The following TNXB variants were observed in gnomAD, a reference collection of about 807,000 sequenced individuals.
TNXB encodes tenascin-X.
Under a neutral mutation model 340.5 loss-of-function variants are expected in TNXB, and 183 were observed. The observed-to-expected ratio is 0.54, with a 90% CI of 0.48 to 0.61. The LOEUF is 0.61. TNXB is among the 20% of genes least tolerant of loss of function. The pLI is 0.00. For missense variants in TNXB, 4,613 were observed against 5,446.4 expected, an observed-to-expected ratio of 0.85 and a Z score of 4.82; for synonymous variants, 2,121 against 2,314.5, an observed-to-expected ratio of 0.92 and a Z score of 2.40.
rs1778812534 is a variant in TNXB, at chr6:32,072,147, G to C, written c.4833C>G (p.Tyr1611Ter). ...EGEFDSFVVQYKDRDGQPQVV... is the reference protein window; with the variant it reads ...EGEFDSFVVQ ...CCTGGGGCTGCCCGTCCCTGTCCTTGTACTGAACCACAAAGGAGTCGAATT... is the reference window on the plus strand; with the variant it reads ...CCTGGGGCTGCCCGTCCCTGTCCTTCTACTGAACCACAAAGGAGTCGAATT... The change falls in exon 13 of 44, where the codon TAC becomes TAG. Residue 1611 changes from tyrosine to a stop codon, truncating the protein, a stop_gained. Coordinates refer to ENST00000644971, the MANE Select transcript of TNXB (RefSeq NM_001365276.2). LOFTEE classifies it high-confidence loss of function. The surrounding 1 kb of genome is among the most constrained non-coding windows in gnomAD (Gnocchi z 4.4). The C allele has an allele frequency of 6.2e-7, 1 of 1,613,512 alleles. No individual in the cohort carries two copies.
rs992491279 is a variant in TNXB at position 32,064,927 on chromosome 6, A to G, written c.6735T>C (p.Asp2245=). The change falls in exon 19 of 44, where the codon GAT becomes GAC. Residue 2245 remains aspartate (D), a synonymous_variant. Coordinates refer to ENST00000644971, the MANE Select transcript of TNXB (RefSeq NM_001365276.2). This position sits in a 1 kb window ranked among gnomAD's most constrained non-coding sequence, Gnocchi z 5.3. The part of the protein sequence containing the change: ...PKAVRVPGHE[D]GVTISGLEPD... ...GCTCCAGGCCCGAGATGGTGACCCC[A>G]TCCTCGTGTCCCGGCACCCGCACCG... is the stretch of plus-strand genomic sequence containing the variant. The G allele has an allele frequency of 1.2e-6, 2 of 1,612,846 alleles. No homozygotes were observed. The highest frequency in any genetic ancestry group is 8.5e-7 in the Non-Finnish European group (1 of 1,179,880).
rs564307109 is a variant in TNXB, at chr6:32,083,026, T to C, written c.3446-700A>G. 1.3e-5 allele frequency among the ~76,000 whole-genome samples: 2 copies of C among 152,244 alleles called. No individual in the cohort carries two copies. The highest frequency in any genetic ancestry group is 3.9e-4 in the East Asian group (2 of 5,184). Reference sequence around the variant, plus strand: ...GTCTACACTGATTGCAGCCATGTCCTCACCTCCACCACCCTCCCGATCCAG... The same window carrying C: ...GTCTACACTGATTGCAGCCATGTCCCCACCTCCACCACCCTCCCGATCCAG... On this transcript the variant is annotated intron_variant, in intron 8 of 43. Transcript: ENST00000644971. The surrounding 1 kb of genome is among the most constrained non-coding windows in gnomAD (Gnocchi z 4.6).
chr6:32,099,956 A>AC (rs1306084324), intron 1 of TNXB, among the ~76,000 whole-genome samples: 1 of 151,244 alleles, frequency 6.6e-6, no homozygotes, highest in Non-Finnish European at 1.5e-5. Context: ...TAAAAAAAAA[A>AC]AAAAAAAAAA....
rs553387411 is a variant in TNXB, at chr6:32,065,082, T to G, written c.6580A>C (p.Lys2194Gln). The change falls in exon 19 of 44, where the codon AAG (lysine) becomes CAG (glutamine). Residue 2194 changes from lysine (K) to glutamine (Q), a missense_variant. Lys to Gln is a moderately conservative substitution (Grantham distance 53). Transcript: ENST00000644971. Reference protein sequence around the residue: ...EEESPDAPLAKLRLGQMTVRD... With the variant: ...EEESPDAPLAQLRLGQMTVRD... ...ACTGTCATCTGCCCTAGGCGCAGCT[T>G]TGCAAGAGGAGCATCAGGGGACTCC... 3 of 1,593,058 alleles carry G rather than the reference T, an allele frequency of 1.9e-6. No homozygotes were observed. Among genetic ancestry groups the G allele is most frequent in the African/African-American group, 2.7e-5 (2 of 74,684 alleles).
chr6:32,073,691 T>C lies in TNXB; in HGVS notation c.4637A>G (p.His1546Arg). The part of the protein sequence containing the change: ...RKYKMNMYGL[H>R]DGQRMGPLSV... ...CAGGGGGCCCATGCGTTGCCCATCA[T>C]GTAGTCCATACATGTTCATCTTATA... Residue 1546 changes from histidine (H) to arginine (R), a missense_variant, in exon 12 of 44, where the codon CAT (histidine) becomes CGT (arginine). Physicochemically the swap from His to Arg is conservative, Grantham distance 29. Transcript: ENST00000644971. The surrounding 1 kb of genome is among the most constrained non-coding windows in gnomAD (Gnocchi z 4.6). 6.2e-7 allele frequency: 1 copy of C among 1,610,382 alleles called. No homozygotes were observed. The highest frequency in any genetic ancestry group is 2.2e-5 in the East Asian group (1 of 44,874).
chr6:32,105,923 C>T (rs55740958), intron 1 of TNXB, among the ~76,000 whole-genome samples: 17,812 of 152,030 alleles, frequency 0.12, 1,409 homozygotes, highest in South Asian at 0.28. Flanking sequence ...TTATTCACAC[C>T]GTGGAATAAA....
In TNXB at chr6:32,096,577, T is replaced by G. The variant is rs1780393500; in HGVS notation, c.1276A>C (p.Thr426Pro). The G allele has an allele frequency of 1.3e-6, 2 of 1,595,370 alleles. No homozygotes were observed. Among genetic ancestry groups the G allele is most frequent in the East Asian group, 2.3e-5 (1 of 44,140 alleles). The change falls in exon 3 of 44, where the codon ACT (threonine) becomes CCT (proline). Residue 426 changes from threonine to proline, a missense_variant. Physicochemically the swap from Thr to Pro is conservative, Grantham distance 38. Around this residue, in one of 7 missense-constraint regions of TNXB, gnomAD observed 4,327 missense variants for 4,859.4 expected, o/e 0.89. Coordinates refer to ENST00000644971, the MANE Select transcript of TNXB (RefSeq NM_001365276.2). ...GCGCGCGAGCCGCAATCGGTTCCAG[T>G]GTACCCCGGCCAGCACACGCAGCGG... ...DGRCVCWPGY[T>P]GTDCGSRACP...
chr6:32,061,811 G>A lies in TNXB; in HGVS notation c.7169-91C>T. 1.3e-6 allele frequency: 2 copies of A among 1,503,902 alleles called. No homozygotes were observed. Among genetic ancestry groups the A allele is most frequent in the Non-Finnish European group, 1.8e-6 (2 of 1,115,108 alleles). 93.2% of individuals were successfully genotyped at this position (1,503,902 alleles called of 1,614,324 possible). A position where few individuals can be genotyped will look rare whatever the true frequency, so the allele number is the denominator to read the frequency against. ...AGGAGGGAGAAGGCTATGACTAGGG[G>A]ACATATGAAATAGCCAAGGCTATGA... On this transcript the variant is annotated intron_variant, in intron 20 of 43. Coordinates refer to ENST00000644971, the MANE Select transcript of TNXB (RefSeq NM_001365276.2). This position sits in a 1 kb window ranked among gnomAD's most constrained non-coding sequence, Gnocchi z 4.4.
Position 32,068,885 on chromosome 6 carries a change from C to T in TNXB, c.5839G>A (p.Val1947Met). ...CCATCACTGAAACCATACAGGGTCA[C>T]CAGGTATCTGTGGTCGGATTCCAGG... Reference protein sequence around the residue: ...SGLESDHRYLVTLYGFSDGKH... With the variant: ...SGLESDHRYLMTLYGFSDGKH... Residue 1947 changes from valine to methionine, a missense_variant, in exon 16 of 44, where the codon GTG (valine) becomes ATG (methionine). By Grantham distance (21) the Val-to-Met change is conservative. This residue lies in a region of TNXB where 4,327 missense variants were observed against 4,859.4 expected (regional missense o/e 0.89). Transcript: ENST00000644971. This position sits in a 1 kb window ranked among gnomAD's most constrained non-coding sequence, Gnocchi z 5.3. The T allele has an allele frequency of 2.5e-6, 4 of 1,612,832 alleles. No homozygotes were observed. In the African/African-American group the frequency reaches 4.0e-5, roughly 16 times the overall value.
Position 32,050,257 on chromosome 6 carries a change from C to T in TNXB, c.9180G>A (p.Lys3060=), listed in dbSNP as rs1170737611. 2 of 1,613,540 alleles carry T rather than the reference C, an allele frequency of 1.2e-6. No homozygotes were observed. Among genetic ancestry groups the T allele is most frequent in the Non-Finnish European group, 1.7e-6 (2 of 1,179,856 alleles). Residue 3060 remains lysine (K), a synonymous_variant, in exon 27 of 44, where the codon AAG becomes AAA. Transcript: ENST00000644971. The part of the protein sequence containing the change: ...VPTMTPEPPI[K]PRLGELTVTD... ...TCACGGTCAGCTCCCCCAGGCGAGG[C>T]TTGATGGGGGGCTCAGGGGTCATGG...
In TNXB at chr6:32,088,825, G is replaced by A; in HGVS notation, c.2739C>T (p.Gly913=). ...CAGAAGCTGGGTAGCTGACTGCCCG[G>A]CCCCGCTCCGCTGTGACAGTCACCA... is the stretch of plus-strand genomic sequence containing the variant. ...EYVVTVTAER[G]RAVSYPASVR... Residue 913 remains glycine (G), a synonymous_variant, in exon 6 of 44, where the codon GGC becomes GGT. Transcript: ENST00000644971. 1 of 1,580,382 alleles carries A rather than the reference G, an allele frequency of 6.3e-7. No homozygotes were observed. Among genetic ancestry groups the A allele is most frequent in the South Asian group, 1.2e-5 (1 of 85,926 alleles).
At chr6:32,102,738 G>A (rs1386961642) in intron 1 of TNXB, among the ~76,000 whole-genome samples, 1 of 150,442 alleles carries the variant, frequency 6.6e-6, no homozygotes, top group Non-Finnish European at 1.5e-5. Context: ...TGGCCAACAC[G>A]GTGAAACCCT....
Position 32,082,148 on chromosome 6 carries a change from G to C in TNXB, c.3624C>G (p.Pro1208=), listed in dbSNP as rs761180572. The change falls in exon 9 of 44, where the codon CCC becomes CCG. Residue 1208 remains proline (P), a synonymous_variant. Transcript: ENST00000644971. The surrounding 1 kb of genome is among the most constrained non-coding windows in gnomAD (Gnocchi z 5.0). ...GRPQVVPVEG[P]ERSFVVSSLD... is the part of the protein sequence containing the mutation. ...GTGAGGAGACAACAAATGAACGCTC[G>C]GGCCCTTCCACAGGTACCACCTGGG... 24 of 1,611,914 alleles carry C rather than the reference G, an allele frequency of 1.5e-5. No individual in the cohort carries two copies. The highest frequency in any genetic ancestry group is 2.0e-5 in the Non-Finnish European group (23 of 1,179,360).
chr6:32,052,648 C>T lies in TNXB; in HGVS notation c.9115+22G>A, dbSNP rs576295796. 229 of 1,605,608 alleles carry T rather than the reference C, an allele frequency of 1.4e-4. 1 individual carries two copies. In the East Asian group the frequency reaches 3.7e-3, roughly 26 times the overall value. Reference sequence around the variant, plus strand: ...TCTTCCAGGGCCATCTTCCCCACCTCGCCTCACTCACACTTACTCACCTGT... The same window carrying T: ...TCTTCCAGGGCCATCTTCCCCACCTTGCCTCACTCACACTTACTCACCTGT... On this transcript the variant is annotated intron_variant, in intron 26 of 43. Transcript: ENST00000644971. The surrounding 1 kb of genome is among the most constrained non-coding windows in gnomAD (Gnocchi z 4.7).
chr6:32,078,997 G>T, intron 11 of TNXB, 36 bp downstream of exon 11: 2 of 1,582,774 alleles, frequency 1.3e-6, no homozygotes, highest in Non-Finnish European at 1.7e-6. Flanking sequence ...GCCAGCAGTG[G>T]GAGGGAACCA....
chr6:32,057,800 G>A (rs1777759154), intron 22 of TNXB, among the ~76,000 whole-genome samples: 1 of 152,178 alleles, frequency 6.6e-6, no homozygotes, highest in Non-Finnish European at 1.5e-5. Context: ...GCTGTCCCCT[G>A]GGTACCCATG....
Position 32,046,222 on chromosome 6 carries a change from A to T in TNXB, c.10559T>A (p.Leu3520His), listed in dbSNP as rs1423610747. The T allele has an allele frequency of 1.2e-6, 2 of 1,600,442 alleles. No individual in the cohort carries two copies. Among genetic ancestry groups the T allele is most frequent in the Non-Finnish European group, 1.7e-6 (2 of 1,173,660 alleles). ...GKKYKFLLYG[L>H]LGGKRLGPVS... is the part of the protein sequence containing the mutation. The stretch of plus-strand genomic sequence containing the variant: ...CGGGCCCAGGCGCTTTCCCCCAAGG[A>T]GCCCGTAGAGCAGAAACTTGTATTT... The change falls in exon 31 of 44, where the codon CTC becomes CAC. Residue 3520 changes from leucine (L) to histidine (H), a missense_variant. By Grantham distance (99) the Leu-to-His change is moderately conservative. Transcript: ENST00000644971. The surrounding 1 kb of genome is among the most constrained non-coding windows in gnomAD (Gnocchi z 6.9).
At chr6:32,054,643 C>G (rs949275667) in intron 24 of TNXB, among the ~76,000 whole-genome samples, 5 of 152,256 alleles carry the variant, frequency 3.3e-5, no homozygotes, top group African/African-American at 1.2e-4. Context: ...CCTTCCCAAT[C>G]CTGGCTTGGC....
In TNXB at chr6:32,069,938, G is replaced by A; in HGVS notation, c.5279-77C>T. 6.9e-7 allele frequency: 1 copy of A among 1,452,182 alleles called. No homozygotes were observed. Among genetic ancestry groups the A allele is most frequent in the Non-Finnish European group, 9.2e-7 (1 of 1,087,246 alleles). 90.0% of individuals were successfully genotyped at this position (1,452,182 alleles called of 1,614,324 possible). On this transcript the variant is annotated intron_variant, in intron 14 of 43. Transcript: ENST00000644971. The surrounding 1 kb of genome is among the most constrained non-coding windows in gnomAD (Gnocchi z 6.2). ...GTGACCTCGACGGGCAGGATTGAGA[G>A]GTCTGGAGACAGGGCTTTGCGTGGC... is the stretch of plus-strand genomic sequence containing the variant.
Sources: allele counts gnomAD v4.1 joint callset (sites outside exome capture counted in the v4.1 genomes callset), GRCh38; gene constraint gnomAD v4.1.1; regional missense constraint gnomAD v4.1.1; non-coding constraint Gnocchi (gnomAD v3.1); transcripts MANE v1.5; gene names NCBI Gene and HGNC (gene_info 2026-07-23, HGNC 2026-07-21).